The following SLAMF9 variants were observed in gnomAD, a reference collection of about 807,000 sequenced individuals.
SLAMF9 encodes the protein CD2 family member 10.
In SLAMF9, 25 loss-of-function variants were observed where a neutral mutation model predicts 30.4. That is an observed-to-expected ratio of 0.82 (90% confidence interval 0.60 to 1.15). The LOEUF (loss-of-function observed/expected upper bound fraction) is 1.15. Ranked by LOEUF, SLAMF9 falls within the 50% of genes most tolerant of loss-of-function variation. SLAMF9 has a pLI of 0.00. For missense variants in SLAMF9, 344 were observed against 346.1 expected (o/e 0.99, Z 0.05); for synonymous variants, 129 against 127.2 (o/e 1.01, Z -0.09).
the SLAMF9 span, among the ~76,000 whole-genome samples, chr1:159,969,592 T>C: frequency 6.6e-6 from 1 of 152,298 alleles, no homozygotes; most frequent in African/African-American, 2.4e-5. Flanking sequence ...GGGGCAGCAT[T>C]GGCAGGTGTA....
chr1:159,969,275 G>T, the SLAMF9 span, among the ~76,000 whole-genome samples: 1 of 139,484 alleles, frequency 7.2e-6, no homozygotes, highest in African/African-American at 2.6e-5. Context: ...GGATGGATAA[G>T]GGGGGAAGGG....
At chr1:159,981,053 T>C in the SLAMF9 span, among the ~76,000 whole-genome samples, 1 of 152,220 alleles carries the variant, frequency 6.6e-6, no homozygotes, top group South Asian at 2.1e-4. Context: ...TGGGCTGAAT[T>C]GTGGCCCCCA....
the SLAMF9 span, among the ~76,000 whole-genome samples, chr1:159,971,224 T>C: frequency 0.019 from 2,889 of 152,256 alleles, 31 homozygotes; most frequent in South Asian, 0.033. Flanking sequence ...GCCAAGGCCC[T>C]TAGACAAACA....
chr1:159,973,021 G>A, the SLAMF9 span: 6 of 1,416,116 alleles, frequency 4.2e-6, no homozygotes, highest in South Asian at 9.9e-5. Context: ...TCCAGCTGGG[G>A]GCTCTGCTTC....
chr1:159,954,317 A>G (rs576173703), upstream of SLAMF9: 11 of 505,828 alleles, frequency 2.2e-5, no homozygotes, highest in South Asian at 2.2e-4. Context: ...GCCCCTCCCT[A>G]TGTATCATGG....
chr1:159,961,422 T>C, the SLAMF9 span: 1 of 152,186 alleles, frequency 6.6e-6, no homozygotes, highest in African/African-American at 2.4e-5. Flanking sequence ...TCCAAATAAA[T>C]CACCTCCCTC....
chr1:159,967,772 T>C, the SLAMF9 span, among the ~76,000 whole-genome samples: 3 of 152,224 alleles, frequency 2.0e-5, no homozygotes, highest in African/African-American at 7.2e-5. Context: ...TTTCATTCAT[T>C]TCTTTCATTA....
the SLAMF9 span, among the ~76,000 whole-genome samples, chr1:159,959,424 C>T: frequency 6.6e-6 from 1 of 152,056 alleles, no homozygotes; most frequent in African/African-American, 2.4e-5. Flanking sequence ...ATGCCCCTAT[C>T]GTACAGCACC....
upstream of SLAMF9, among the ~76,000 whole-genome samples, chr1:159,959,038 G>C (rs1651986501): frequency 6.6e-6 from 1 of 152,122 alleles, no homozygotes; most frequent in African/African-American, 2.4e-5. Context: ...TGGTAGTCGG[G>C]GAGGGAGCAG....
At chr1:159,972,184 G>A in the SLAMF9 span, among the ~76,000 whole-genome samples, 1 of 152,146 alleles carries the variant, frequency 6.6e-6, no homozygotes, top group Non-Finnish European at 1.5e-5. Context: ...CTCTGTTCGT[G>A]CCCTGTGTGT....
At chr1:159,964,629 CA>C in the SLAMF9 span, among the ~76,000 whole-genome samples, 4 of 152,086 alleles carry the variant, frequency 2.6e-5, no homozygotes, top group Non-Finnish European at 5.9e-5. Context: ...AAACAAAAAC[CA>C]GAGGTTCGGA....
At chr1:159,973,769 C>A in the SLAMF9 span, 2 of 1,609,696 alleles carry the variant, frequency 1.2e-6, no homozygotes, top group South Asian at 1.1e-5. Context: ...GCACCTCCTG[C>A]CCCACAAACT....
chr1:159,973,736 T>G, the SLAMF9 span: 1 of 1,489,074 alleles, frequency 6.7e-7, no homozygotes, highest in Non-Finnish European at 9.4e-7. Flanking sequence ...GCTACTGATC[T>G]CTAGAGACGG....
the SLAMF9 span, among the ~76,000 whole-genome samples, chr1:159,971,084 GCTGACTGT>G: frequency 6.6e-6 from 1 of 152,172 alleles, no homozygotes; most frequent in African/African-American, 2.4e-5. Context: ...TGCCCACGTG[GCTGACTGT>G]CAGTCACCGG....
the SLAMF9 span, among the ~76,000 whole-genome samples, chr1:159,979,986 G>C: frequency 6.6e-6 from 1 of 152,180 alleles, no homozygotes; most frequent in African/African-American, 2.4e-5. Context: ...TGGGTGGTGA[G>C]GTCTGGATGG....
chr1:159,955,879 T>C (rs1265411290), upstream of SLAMF9, among the ~76,000 whole-genome samples: 1 of 152,216 alleles, frequency 6.6e-6, no homozygotes, highest in Non-Finnish European at 1.5e-5. Context: ...TTTATGAGTA[T>C]AAAACCTGAG....
the SLAMF9 span, among the ~76,000 whole-genome samples, chr1:159,968,293 A>G: frequency 2.0e-5 from 3 of 152,054 alleles, no homozygotes; most frequent in East Asian, 5.8e-4. Flanking sequence ...CTCTTTTGAG[A>G]ACTGTTCACA....
At chr1:159,970,598 C>T in the SLAMF9 span, among the ~76,000 whole-genome samples, 109 of 152,316 alleles carry the variant, frequency 7.2e-4, no homozygotes, top group African/African-American at 2.6e-3. Context: ...GGATACTGAG[C>T]TTGTTCCTTG....
the SLAMF9 span, among the ~76,000 whole-genome samples, chr1:159,981,994 G>A: frequency 6.6e-5 from 10 of 152,286 alleles, no homozygotes; most frequent in African/African-American, 2.4e-4. Context: ...CCTTCTGCCC[G>A]CTCTTCATCC....
Sources: gnomAD v4.1 joint callset for allele counts (sites outside exome capture counted in the v4.1 genomes callset) on GRCh38, gnomAD v4.1.1 for gene constraint, MANE v1.5 for transcripts, NCBI Gene and HGNC (gene_info 2026-07-23, HGNC 2026-07-21) for gene names.